RBFOX1: variants seen among roughly 807,000 people sequenced by gnomAD.
RBFOX1 encodes RNA binding fox-1 homolog 1.
Under a neutral mutation model 57.7 loss-of-function variants are expected in RBFOX1, and 8 were observed. The ratio of observed to expected loss-of-function variants is 0.14; its 90% CI spans 0.08 to 0.25. The LOEUF (loss-of-function observed/expected upper bound fraction) is 0.25. RBFOX1 is among the 10% of genes least tolerant of loss of function. The probability of loss-of-function intolerance (pLI) is 1.00; values close to 1 mark genes in which losing one functional copy is unlikely to be tolerated. For missense variants in RBFOX1, 611 were observed against 548.5 expected (o/e 1.11, Z -1.14); for synonymous variants, 326 against 222.4 (o/e 1.47, Z -4.15).
chr16:5,668,609 G>C (rs2049922156), intron 3 of RBFOX1, among the ~76,000 whole-genome samples: 1 of 152,210 alleles, frequency 6.6e-6, no homozygotes, highest in Non-Finnish European at 1.5e-5. Context: ...TGGGGGAAGT[G>C]ACAGGTAGGT....
intron 3 of RBFOX1, among the ~76,000 whole-genome samples, chr16:6,935,822 A>G (rs2077274474): frequency 1.3e-5 from 2 of 152,216 alleles, no homozygotes; most frequent in Non-Finnish European, 2.9e-5. Flanking sequence ...GGCATGCCAC[A>G]GAGTTTATCC....
At chr16:5,242,625 C>T (rs1226409993) in intron 1 of RBFOX1, among the ~76,000 whole-genome samples, 2 of 152,134 alleles carry the variant, frequency 1.3e-5, no homozygotes, top group Non-Finnish European at 2.9e-5. Context: ...GAACAGAGTG[C>T]CCTTTTATGA....
At chr16:6,893,745 C>A (rs1242155844) in intron 3 of RBFOX1, among the ~76,000 whole-genome samples, 1 of 152,204 alleles carries the variant, frequency 6.6e-6, no homozygotes, top group Non-Finnish European at 1.5e-5. Flanking sequence ...TTGCATTTAT[C>A]ATGAAGACCA....
At chr16:7,278,741 T>G (rs1246760370) in intron 4 of RBFOX1, among the ~76,000 whole-genome samples, 1 of 152,254 alleles carries the variant, frequency 6.6e-6, no homozygotes, top group Non-Finnish European at 1.5e-5. Flanking sequence ...GTATTCAGTT[T>G]GAACTTAAAA....
intron 2 of RBFOX1, among the ~76,000 whole-genome samples, chr16:6,603,545 C>A (rs1567844278): frequency 6.6e-6 from 1 of 152,124 alleles, no homozygotes; most frequent in East Asian, 1.9e-4. Flanking sequence ...CATGCCTTAG[C>A]CCCACTCCAC....
intron 4 of RBFOX1, among the ~76,000 whole-genome samples, chr16:7,337,258 G>A (rs569720922): frequency 2.0e-5 from 3 of 152,272 alleles, no homozygotes; most frequent in East Asian, 3.9e-4. Context: ...GAGGTATTCA[G>A]GCAGGGTGGC....
chr16:6,769,828 C>A (rs553988062), intron 3 of RBFOX1, among the ~76,000 whole-genome samples: 9 of 152,292 alleles, frequency 5.9e-5, no homozygotes, highest in African/African-American at 1.9e-4. Flanking sequence ...CCACAAAACA[C>A]ATTCTGAGGA....
At chr16:7,392,854 GGTTT>G (rs71391628) in intron 4 of RBFOX1, among the ~76,000 whole-genome samples, 13,590 of 122,978 alleles carry the variant, frequency 0.11, 710 homozygotes, top group Admixed American at 0.15. Flanking sequence ...GGTTTGGTTT[GGTTT>G]GTTTGTTTGT....
chr16:5,805,650 C>T (rs1185783348), intron 3 of RBFOX1, among the ~76,000 whole-genome samples: 2 of 152,170 alleles, frequency 1.3e-5, no homozygotes, highest in African/African-American at 2.4e-5. Context: ...CTGTTACCAC[C>T]CCTAGGGTTC....
chr16:6,782,183 T>C (rs1250623107), intron 3 of RBFOX1, among the ~76,000 whole-genome samples: 1 of 152,194 alleles, frequency 6.6e-6, no homozygotes, highest in Non-Finnish European at 1.5e-5. Flanking sequence ...ATTGTTGTAT[T>C]TTCAGTAGAT....
chr16:6,176,507 T>A (rs1289880841), intron 1 of RBFOX1, among the ~76,000 whole-genome samples: 1 of 151,698 alleles, frequency 6.6e-6, no homozygotes, highest in East Asian at 1.9e-4. Context: ...TTTCTTCTCA[T>A]TGTAAGAGGA....
chr16:5,565,963 T>C (rs903215161), intron 2 of RBFOX1, among the ~76,000 whole-genome samples: 2 of 152,064 alleles, frequency 1.3e-5, no homozygotes, highest in African/African-American at 2.4e-5. Context: ...TCCCCCATAG[T>C]GTTCTCATGG....
At chr16:6,055,486 G>A (rs1325136398) in intron 1 of RBFOX1, among the ~76,000 whole-genome samples, 6 of 151,314 alleles carry the variant, frequency 4.0e-5, no homozygotes, top group African/African-American at 1.2e-4. Context: ...CCAGCTATTC[G>A]GGAGGCTGAG....
rs57151962 is a variant in RBFOX1, at chr16:6,335,776, C to CAAA, written c.-64+18731_-64+18733dup. Among the ~76,000 whole-genome samples the CAAA allele has an allele frequency of 6.3e-3, 321 of 50,888 alleles. 2 individuals carry two copies. Among genetic ancestry groups the CAAA allele is most frequent in the African/African-American group, 0.017 (311 of 17,802 alleles). The allele number at this position is 50,888 out of a possible 152,430, so 33.4% of individuals were successfully genotyped here. ...CTGGGGGATACAGCAAGACTGTCTC[C>CAAA]AAAAAAAAAAAAAAGAAAAAAAAAA... On this transcript the variant is annotated intron_variant, in intron 2 of 15. Coordinates refer to ENST00000550418, the MANE Select transcript of RBFOX1 (RefSeq NM_018723.4).
At chr16:7,221,632 A>G (rs1603341015) in intron 4 of RBFOX1, among the ~76,000 whole-genome samples, 1 of 152,126 alleles carries the variant, frequency 6.6e-6, no homozygotes, top group African/African-American at 2.4e-5. Flanking sequence ...CTCCCAAAGT[A>G]CTGGGATTAC....
At chr16:6,058,671 C>A (rs1401732448) in intron 1 of RBFOX1, among the ~76,000 whole-genome samples, 2 of 150,824 alleles carry the variant, frequency 1.3e-5, no homozygotes, top group African/African-American at 4.9e-5. Context: ...TCCATCCACC[C>A]ACCATCCACC....
intron 2 of RBFOX1, among the ~76,000 whole-genome samples, chr16:6,604,777 C>G (rs995230207): frequency 6.6e-6 from 1 of 152,090 alleles, no homozygotes; most frequent in Non-Finnish European, 1.5e-5. Context: ...TTCTATAATT[C>G]TTTCTTTCTT....
At chr16:6,629,157 A>T (rs1353793848) in intron 2 of RBFOX1, among the ~76,000 whole-genome samples, 1 of 152,252 alleles carries the variant, frequency 6.6e-6, no homozygotes, top group Non-Finnish European at 1.5e-5. Context: ...ATTTACATTG[A>T]TAAGAATAAT....
At chr16:6,721,373 G>A (rs1170289654) in intron 3 of RBFOX1, among the ~76,000 whole-genome samples, 1 of 152,124 alleles carries the variant, frequency 6.6e-6, no homozygotes, top group African/African-American at 2.4e-5. Flanking sequence ...AACCCGGGAG[G>A]CGGAGGTTAC....
Sources: gnomAD v4.1 joint callset for allele counts (sites outside exome capture counted in the v4.1 genomes callset) on GRCh38, gnomAD v4.1.1 for gene constraint, MANE v1.5 for transcripts, NCBI Gene and HGNC (gene_info 2026-07-23, HGNC 2026-07-21) for gene names.